GRIK2: variants seen among roughly 807,000 people sequenced by gnomAD.
GRIK2 encodes the protein glutamate ionotropic receptor kainate type subunit 2.
A neutral mutation model predicts 100.3 loss-of-function variants in GRIK2; 32 were observed. The ratio of observed to expected loss-of-function variants is 0.32; its 90% CI spans 0.24 to 0.43. GRIK2 has a LOEUF of 0.43. GRIK2 is among the 20% of genes least tolerant of loss of function. The probability of loss-of-function intolerance (pLI) is 1.00; values close to 1 mark genes in which losing one functional copy is unlikely to be tolerated. For synonymous variants in GRIK2, 417 were observed against 389.4 expected (o/e 1.07, Z -0.83); for missense variants, 843 against 1,114.9 (o/e 0.76, Z 3.47).
intron 1 of GRIK2, among the ~76,000 whole-genome samples, chr6:101,396,114 C>A (rs1023521065): frequency 3.9e-5 from 6 of 151,974 alleles, no homozygotes; most frequent in African/African-American, 1.5e-4. Context: ...TTCATATAAC[C>A]TCAGAACTAT....
intron 7 of GRIK2, among the ~76,000 whole-genome samples, chr6:101,741,852 C>A (rs896781277): frequency 2.0e-5 from 3 of 152,136 alleles, no homozygotes; most frequent in African/African-American, 7.2e-5. Flanking sequence ...CACAACTACA[C>A]CAAAAAAGCA....
At chr6:102,010,771 A>G (rs2114312313) in intron 14 of GRIK2, among the ~76,000 whole-genome samples, 1 of 152,000 alleles carries the variant, frequency 6.6e-6, no homozygotes, top group East Asian at 1.9e-4. Flanking sequence ...TACAGTTAGA[A>G]TTATACAGTA....
rs533572842 is a variant in GRIK2 at position 101,610,732 on chromosome 6, G to T, written c.116-11217G>T. On this transcript the variant is annotated intron_variant, in intron 2 of 16. Coordinates refer to ENST00000369134, the MANE Select transcript of GRIK2 (RefSeq NM_021956.5). Reference sequence around the variant, plus strand: ...TGATGGAGGTCTGGGGAGTGAAGAGGCTTGCTCATCCAGTCACTTTTCGCC... The same window carrying T: ...TGATGGAGGTCTGGGGAGTGAAGAGTCTTGCTCATCCAGTCACTTTTCGCC... Among the ~76,000 whole-genome samples, 218 of 151,854 alleles carry T rather than the reference G, an allele frequency of 1.4e-3. 1 individual carries two copies. Among genetic ancestry groups the T allele is most frequent in the Non-Finnish European group, 2.7e-3 (182 of 67,852 alleles).
chr6:101,527,400 G>A (rs1038201510), intron 2 of GRIK2, among the ~76,000 whole-genome samples: 1 of 152,100 alleles, frequency 6.6e-6, no homozygotes, highest in Non-Finnish European at 1.5e-5. Context: ...ATGATTAGGA[G>A]GTTTCAGGAT....
At chr6:101,746,896 G>A in intron 7 of GRIK2, among the ~76,000 whole-genome samples, 1 of 152,056 alleles carries the variant, frequency 6.6e-6, no homozygotes, top group Admixed American at 6.6e-5. Context: ...CTGTAATATG[G>A]TTGTGTTCTC....
chr6:101,551,869 G>A (rs1229080326), intron 2 of GRIK2, among the ~76,000 whole-genome samples: 1 of 152,144 alleles, frequency 6.6e-6, no homozygotes, highest in East Asian at 1.9e-4. Flanking sequence ...ACATTATTAT[G>A]TTATGGCTTC....
chr6:101,568,539 G>A (rs1777387617), intron 2 of GRIK2, among the ~76,000 whole-genome samples: 2 of 151,978 alleles, frequency 1.3e-5, no homozygotes, highest in African/African-American at 4.8e-5. Flanking sequence ...CATATAGACT[G>A]TACTTGTATC....
chr6:101,636,528 G>A (rs1350211939), intron 4 of GRIK2, among the ~76,000 whole-genome samples: 1 of 151,926 alleles, frequency 6.6e-6, no homozygotes, highest in Non-Finnish European at 1.5e-5. Context: ...TTATTTCTTG[G>A]GTTCTGATTA....
intron 4 of GRIK2, among the ~76,000 whole-genome samples, chr6:101,648,822 G>A (rs568958348): frequency 1.3e-5 from 2 of 152,136 alleles, no homozygotes; most frequent in South Asian, 2.1e-4. Context: ...AATTTATAAA[G>A]GAAAGAGGTT....
At chr6:101,565,919 A>AG (rs1777238551) in intron 2 of GRIK2, among the ~76,000 whole-genome samples, 5 of 105,690 alleles carry the variant, frequency 4.7e-5, no homozygotes, top group Non-Finnish European at 9.7e-5. Flanking sequence ...CCTATTTTAT[A>AG]TATATATATA....
intron 2 of GRIK2, among the ~76,000 whole-genome samples, chr6:101,471,384 G>C (rs2788281): frequency 0.97 from 146,838 of 152,118 alleles, 70,903 homozygotes; most frequent in East Asian, 1. Flanking sequence ...TTTCACTATG[G>C]CCCCAATAGC....
intron 7 of GRIK2, among the ~76,000 whole-genome samples, chr6:101,722,646 C>G (rs1206712977): frequency 6.6e-6 from 1 of 151,954 alleles, no homozygotes; most frequent in Non-Finnish European, 1.5e-5. Flanking sequence ...GGACTGTATA[C>G]AAAGAGGGAT....
intron 9 of GRIK2, among the ~76,000 whole-genome samples, chr6:101,803,371 G>A (rs1022653951): frequency 9.9e-5 from 15 of 151,790 alleles, no homozygotes; most frequent in African/African-American, 3.6e-4. Flanking sequence ...ATTTTTGATA[G>A]TGTCCCCAAG....
chr6:101,604,386 C>G (rs531037488), intron 2 of GRIK2, among the ~76,000 whole-genome samples: 2 of 151,906 alleles, frequency 1.3e-5, no homozygotes, highest in African/African-American at 4.8e-5. Context: ...AGGCATCTTC[C>G]ATTTGCCCTT....
intron 14 of GRIK2, among the ~76,000 whole-genome samples, chr6:102,017,219 G>A (rs1230143643): frequency 6.6e-6 from 1 of 152,078 alleles, no homozygotes; most frequent in Admixed American, 6.6e-5. Context: ...ATAAACAACT[G>A]AAAACATGAT....
chr6:101,573,275 CTA>C (rs1305032231), intron 2 of GRIK2, among the ~76,000 whole-genome samples: 3 of 152,082 alleles, frequency 2.0e-5, no homozygotes, highest in African/African-American at 4.8e-5. Context: ...CTTTTATTGT[CTA>C]TGTTTGTCTT....
At chr6:101,424,077 C>G (rs745467409) in intron 2 of GRIK2, among the ~76,000 whole-genome samples, 1 of 152,006 alleles carries the variant, frequency 6.6e-6, no homozygotes, top group African/African-American at 2.4e-5. Flanking sequence ...TTACTATTTT[C>G]TGTAAAGAAA....
At chr6:101,789,870 C>T (rs1202261236) in intron 7 of GRIK2, among the ~76,000 whole-genome samples, 1 of 152,170 alleles carries the variant, frequency 6.6e-6, no homozygotes, top group Non-Finnish European at 1.5e-5. Context: ...TTTGTATCCT[C>T]TTTTATTTCA....
chr6:101,426,248 G>A (rs1029599902), intron 2 of GRIK2, among the ~76,000 whole-genome samples: 1 of 152,164 alleles, frequency 6.6e-6, no homozygotes, highest in Non-Finnish European at 1.5e-5. Context: ...TGTGTGACCT[G>A]TGGCAGGATT....
Sources: allele counts gnomAD v4.1 joint callset (sites outside exome capture counted in the v4.1 genomes callset), GRCh38; gene constraint gnomAD v4.1.1; transcripts MANE v1.5; gene names NCBI Gene and HGNC (gene_info 2026-07-23, HGNC 2026-07-21).